BIN1: variants seen among roughly 807,000 people sequenced by gnomAD.
BIN1 encodes myc box-dependent-interacting protein 1.
A neutral mutation model predicts 82.0 loss-of-function variants in BIN1; 53 were observed. That is an observed-to-expected ratio of 0.65 (90% CI 0.52 to 0.81). BIN1 has a LOEUF of 0.81. Ranked by LOEUF, BIN1 falls within the 40% of genes least tolerant of loss-of-function variation. The pLI is 0.00. For synonymous variants in BIN1, 302 were observed against 328.0 expected, an observed-to-expected ratio of 0.92 and a Z score of 0.86; for missense variants, 642 against 784.4, an observed-to-expected ratio of 0.82 and a Z score of 2.17.
chr2:127,106,554 G>A (rs2105375874), intron 1 of BIN1, among the ~76,000 whole-genome samples: 1 of 152,306 alleles, frequency 6.6e-6, no homozygotes, highest in African/African-American at 2.4e-5. Context: ...CCTGGAGCGC[G>A]CGCCTGAGAA....
In BIN1 at chr2:127,057,961, A is replaced by T. The variant is rs916803381; in HGVS notation, c.1003-360T>A. On this transcript the variant is annotated intron_variant, in intron 11 of 18. Coordinates refer to ENST00000316724, the MANE Select transcript of BIN1 (RefSeq NM_139343.3). This position sits in a 1 kb window ranked among gnomAD's most constrained non-coding sequence, Gnocchi z 5.0. The stretch of plus-strand genomic sequence containing the variant: ...GCTGGCTCCCACTGGCCTGGTGAGA[A>T]GACTGGGGAAGCAAACAGTCGTTGA... Among the ~76,000 whole-genome samples the T allele has an allele frequency of 1.8e-4, 27 of 152,126 alleles. No homozygotes were observed. The highest frequency in any genetic ancestry group is 1.3e-4 in the Admixed American group (2 of 15,278).
intron 1 of BIN1, among the ~76,000 whole-genome samples, chr2:127,097,498 T>C (rs1336708765): frequency 6.6e-6 from 1 of 152,070 alleles, no homozygotes; most frequent in East Asian, 1.9e-4. Context: ...ACAGGGCAGG[T>C]ACAGGATGTT....
At chr2:127,069,731 AACACACACAC>A (rs3832046) in intron 5 of BIN1, among the ~76,000 whole-genome samples, 25 of 147,690 alleles carry the variant, frequency 1.7e-4, no homozygotes, top group Admixed American at 2.7e-4. Flanking sequence ...ACTCCGCAGC[AACACACACAC>A]ACACACACAC....
rs537603056 is a variant in BIN1, at chr2:127,059,041, G to A, written c.972C>T (p.Pro324=). Residue 324 remains proline (P), a synonymous_variant, in exon 11 of 19, where the codon CCC becomes CCT. Transcript: ENST00000316724. The surrounding 1 kb of genome is among the most constrained non-coding windows in gnomAD (Gnocchi z 6.7). ...HEPEPAGGAT[P]GATLPKSPSQ... is the part of the protein sequence containing the mutation. ...ATGGGGACTTGGGGAGGGTGGCCCC[G>A]GGCGTGGCCCCGCCGGCCGGCTCTG... 1.8e-5 allele frequency: 28 copies of A among 1,566,010 alleles called. No homozygotes were observed. Among genetic ancestry groups the A allele is most frequent in the African/African-American group, 5.4e-5 (4 of 74,122 alleles).
At chr2:127,094,271 T>G (rs1679300443) in intron 1 of BIN1, among the ~76,000 whole-genome samples, 1 of 152,152 alleles carries the variant, frequency 6.6e-6, no homozygotes, top group Non-Finnish European at 1.5e-5. Flanking sequence ...CTTGCTGCAT[T>G]GTGTAAGGTG....
At chr2:127,105,325 AGGGC>A (rs1680897563) in intron 1 of BIN1, among the ~76,000 whole-genome samples, 1 of 152,110 alleles carries the variant, frequency 6.6e-6, no homozygotes, top group African/African-American at 2.4e-5. Context: ...GCTCTGGCCC[AGGGC>A]TGCCTGCTCC....
chr2:127,087,197 G>A (rs565018122), intron 1 of BIN1, among the ~76,000 whole-genome samples: 4 of 152,284 alleles, frequency 2.6e-5, no homozygotes, highest in East Asian at 1.9e-4. Flanking sequence ...CTCCCAGCCC[G>A]GCCGGCCCCT....
intron 2 of BIN1, among the ~76,000 whole-genome samples, chr2:127,073,598 G>T (rs1355382511): frequency 6.6e-6 from 1 of 152,156 alleles, no homozygotes. Context: ...GGTCTAGGGG[G>T]CAGGGACGGC....
intron 1 of BIN1, among the ~76,000 whole-genome samples, chr2:127,096,537 T>G (rs1053880396): frequency 1.3e-5 from 2 of 152,144 alleles, no homozygotes; most frequent in African/African-American, 4.8e-5. Context: ...GGGGATGAAT[T>G]CCTTCCTCCC....
chr2:127,056,937 G>A lies in BIN1; in HGVS notation c.1131+536C>T, dbSNP rs145047536. ...TGGCTCCTTGCTGAGCCAAGGGCCC[G>A]TCGGGAGAGACCCAAGCCCCCCTGG... On this transcript the variant is annotated intron_variant, in intron 12 of 18. Coordinates refer to ENST00000316724, the MANE Select transcript of BIN1 (RefSeq NM_139343.3). Among the ~76,000 whole-genome samples, 1,187 of 152,318 alleles carry A rather than the reference G, an allele frequency of 7.8e-3. 13 individuals carry two copies. The highest frequency in any genetic ancestry group is 0.027 in the African/African-American group (1,121 of 41,566).
chr2:127,057,626 G>A lies in BIN1; in HGVS notation c.1003-25C>T. 2 of 1,501,098 alleles carry A rather than the reference G, an allele frequency of 1.3e-6. No individual in the cohort carries two copies. The highest frequency in any genetic ancestry group is 1.3e-5 in the South Asian group (1 of 77,372). The allele number at this position is 1,501,098 out of a possible 1,614,324, so 93.0% of individuals were successfully genotyped here. A position where few individuals can be genotyped will look rare whatever the true frequency, so the allele number is the denominator to read the frequency against. On this transcript the variant is annotated intron_variant, in intron 11 of 18. Coordinates refer to ENST00000316724, the MANE Select transcript of BIN1 (RefSeq NM_139343.3). This position sits in a 1 kb window ranked among gnomAD's most constrained non-coding sequence, Gnocchi z 5.0. ...GCTGTGGGTCGGCGGCGGGTGAGGG[G>A]CCGCGCGGGAAGGCACAGCAGAGCA...
At chr2:127,099,959 C>A (rs538160194) in intron 1 of BIN1, among the ~76,000 whole-genome samples, 1 of 151,976 alleles carries the variant, frequency 6.6e-6, no homozygotes, top group Non-Finnish European at 1.5e-5. Flanking sequence ...GCCGCCACCA[C>A]GCCAGGCTAA....
rs908275399 is a variant in BIN1 at position 127,059,668 on chromosome 2, C to A, written c.858-513G>T. On this transcript the variant is annotated intron_variant, in intron 10 of 18. Coordinates refer to ENST00000316724, the MANE Select transcript of BIN1 (RefSeq NM_139343.3). This position sits in a 1 kb window ranked among gnomAD's most constrained non-coding sequence, Gnocchi z 6.7. ...AGCACCCTGGTACATGTCTCTAGAC[C>A]TTGGCTCTCCTGTCCTCTCGGCTGC... Among the ~76,000 whole-genome samples, 2 of 152,182 alleles carry A rather than the reference C, an allele frequency of 1.3e-5. No homozygotes were observed. Among genetic ancestry groups the A allele is most frequent in the Non-Finnish European group, 2.9e-5 (2 of 68,020 alleles).
In BIN1 at chr2:127,052,289, C is replaced by T; in HGVS notation, c.1337G>A (p.Trp446Ter). 1 of 1,584,282 alleles carries T rather than the reference C, an allele frequency of 6.3e-7. No homozygotes were observed. ...CCCCGGCTCGGCCGTCTGGCTGGGC[C>T]AGGACACAGCAAAGGTGCCCTCGGC... Reference protein sequence around the residue: ...SAAEGTFAVSWPSQTAEPGPA... With the variant: ...SAAEGTFAVS The change falls in exon 15 of 19, where the codon TGG becomes TAG. Residue 446 changes from tryptophan to a stop codon, truncating the protein, a stop_gained. Coordinates refer to ENST00000316724, the MANE Select transcript of BIN1 (RefSeq NM_139343.3). LOFTEE classifies it high-confidence loss of function.
In BIN1 at chr2:127,063,565, G is replaced by A. The variant is rs978827350; in HGVS notation, c.774+6C>T. 6.2e-7 allele frequency: 1 copy of A among 1,613,522 alleles called. No homozygotes were observed. Among genetic ancestry groups the A allele is most frequent in the African/African-American group, 1.3e-5 (1 of 74,910 alleles). ...GTGGCCCCTCAGAGGGGTCCCCATG[G>A]CCTACCTTGCTCATCTCCTTGTGGA... On this transcript the variant is annotated splice_donor_region_variant and intron_variant, in intron 9 of 18. Transcript: ENST00000316724.
chr2:127,077,849 G>A (rs1686812253), intron 1 of BIN1, among the ~76,000 whole-genome samples: 1 of 152,228 alleles, frequency 6.6e-6, no homozygotes, highest in Non-Finnish European at 1.5e-5. Flanking sequence ...TGTCTCAGCA[G>A]AGGCCTCTCC....
intron 1 of BIN1, among the ~76,000 whole-genome samples, chr2:127,104,440 T>C (rs1362897338): frequency 6.6e-6 from 1 of 152,056 alleles, no homozygotes; most frequent in Admixed American, 6.6e-5. Flanking sequence ...TGGAAGTGGA[T>C]GTGGGAAGGC....
At chr2:127,064,794 C>CG (rs1317387408) in intron 7 of BIN1, 6 of 154,572 alleles carry the variant, frequency 3.9e-5, no homozygotes, top group Middle Eastern at 6.8e-3. Flanking sequence ...TGCTCAGGCC[C>CG]CATCACACGG....
At chr2:127,092,314 G>A (rs1427810480) in intron 1 of BIN1, among the ~76,000 whole-genome samples, 4 of 152,170 alleles carry the variant, frequency 2.6e-5, no homozygotes, top group African/African-American at 7.2e-5. Flanking sequence ...CTCCCCACCC[G>A]ATTAAGGATG....
Sources: gnomAD v4.1 joint callset for allele counts (sites outside exome capture counted in the v4.1 genomes callset) on GRCh38, gnomAD v4.1.1 for gene constraint, Gnocchi (gnomAD v3.1) non-coding constraint, MANE v1.5 for transcripts, NCBI Gene and HGNC (gene_info 2026-07-23, HGNC 2026-07-21) for gene names.